The following ZNF331 variants were observed in gnomAD, a reference collection of about 807,000 sequenced individuals.
ZNF331 encodes the protein C2H2-like zinc finger protein rearranged in thyroid adenomas.
ZNF331 carries 2 observed loss-of-function variants against 7.0 expected under a neutral mutation model. The observed-to-expected ratio is 0.29, with a 90% CI of 0.12 to 0.90. ZNF331 has a LOEUF of 0.90. Among genes scored for constraint, ZNF331 ranks in the 40% least tolerant of loss-of-function variants. The probability of loss-of-function intolerance (pLI) is 0.58; values close to 1 mark genes in which losing one functional copy is unlikely to be tolerated. For synonymous variants in ZNF331, 196 were observed against 205.4 expected (o/e 0.95, Z 0.39); for missense variants, 432 against 587.7 (o/e 0.74, Z 2.74).
chr19:53,548,034 ATCC>A (rs770642890), intron 2 of ZNF331, among the ~76,000 whole-genome samples: 2 of 151,864 alleles, frequency 1.3e-5, no homozygotes, highest in Non-Finnish European at 2.9e-5. Context: ...GACCCAAGCA[ATCC>A]TCCTACCTCA....
chr19:53,508,806 T>C, the ZNF331 span, among the ~76,000 whole-genome samples: 1 of 152,184 alleles, frequency 6.6e-6, no homozygotes, highest in Non-Finnish European at 1.5e-5. Flanking sequence ...ACAAAAATCT[T>C]TATCCCTGTT....
At chr19:53,507,590 C>T in the ZNF331 span, among the ~76,000 whole-genome samples, 1 of 152,126 alleles carries the variant, frequency 6.6e-6, no homozygotes, top group African/African-American at 2.4e-5. Flanking sequence ...AATGCCTGGT[C>T]CAGGTTCACT....
intron 1 of ZNF331, chr19:53,538,530 G>C (rs75312203): frequency 0.072 from 11,064 of 152,668 alleles, 530 homozygotes; most frequent in Non-Finnish European, 0.11. Context: ...CGGTCGGGAC[G>C]GGTCTCCGTG....
At chr19:53,507,648 T>C in the ZNF331 span, among the ~76,000 whole-genome samples, 1 of 152,150 alleles carries the variant, frequency 6.6e-6, no homozygotes, top group African/African-American at 2.4e-5. Flanking sequence ...GCAGAGGCTG[T>C]TCGGGCTCAG....
At chr19:53,548,983 A>C (rs1467127811) in intron 2 of ZNF331, among the ~76,000 whole-genome samples, 1 of 151,706 alleles carries the variant, frequency 6.6e-6, no homozygotes, top group South Asian at 2.1e-4. Flanking sequence ...TCAGTAGCTG[A>C]GATTACAGGC....
chr19:53,507,053 A>G, the ZNF331 span, among the ~76,000 whole-genome samples: 2 of 152,102 alleles, frequency 1.3e-5, no homozygotes, highest in African/African-American at 4.8e-5. Flanking sequence ...ACAGAACCCA[A>G]AGAAATGCAG....
rs1311983714 is a variant in ZNF331, at chr19:53,571,572, T to C, written c.10-32T>C. 1 of 1,608,826 alleles carries C rather than the reference T, an allele frequency of 6.2e-7. No homozygotes were observed. Among genetic ancestry groups the C allele is most frequent in the Admixed American group, 1.7e-5 (1 of 59,162 alleles). ...TTCATCTGGAAGCTGTTTCCTTTCA[T>C]TTCATCATGCACGTGTGGGTTTCTG... On this transcript the variant is annotated intron_variant, in intron 4 of 5. Coordinates refer to ENST00000449416, the MANE Select transcript of ZNF331 (RefSeq NM_001079906.2). The surrounding 1 kb of genome is among the most constrained non-coding windows in gnomAD (Gnocchi z 4.7).
At chr19:53,546,140 G>GAAAAAACAAAAAAAAAAAAA (rs2088588388) in intron 2 of ZNF331, among the ~76,000 whole-genome samples, 1 of 113,484 alleles carries the variant, frequency 8.8e-6, no homozygotes, top group Non-Finnish European at 1.9e-5. Context: ...TCCTGAGGGG[G>GAAAAAACAAAAAAAAAAAAA]AAAAAAAAAA....
At chr19:53,536,079 C>G (rs905768762), upstream of ZNF331, among the ~76,000 whole-genome samples, 12 of 152,182 alleles carry the variant, frequency 7.9e-5, no homozygotes, top group African/African-American at 2.9e-4. Context: ...GCTGGGATTA[C>G]AGGTGTGAGC....
rs577113288 is a variant in ZNF331 at position 53,550,206 on chromosome 19, C to T, written c.-137-5639C>T. Among the ~76,000 whole-genome samples the T allele has an allele frequency of 9.9e-5, 15 of 152,222 alleles. No individual in the cohort carries two copies. The South Asian group carries it at 2.5e-3, about 25-fold the overall frequency. On this transcript the variant is annotated intron_variant, in intron 2 of 5. Coordinates refer to ENST00000449416, the MANE Select transcript of ZNF331 (RefSeq NM_001079906.2). ...TACTTGAGAAGAATGTACATGCTGC[C>T]GCTATTAGAGAGATGGTGCAGAATA...
At position 53,577,737 on chromosome 19, in the gene ZNF331, A is replaced by G; in HGVS notation, c.1177A>G (p.Ile393Val). Reference protein sequence around the residue: ...YKCKECGKAFIYGSSLVKHER... With the variant: ...YKCKECGKAFVYGSSLVKHER... ...ATGTAAGGAGTGTGGGAAGGCTTTCATTTATGGATCGAGCCTCGTGAAACA... is the reference window on the plus strand; with the variant it reads ...ATGTAAGGAGTGTGGGAAGGCTTTCGTTTATGGATCGAGCCTCGTGAAACA... The change falls in exon 6 of 6, where the codon ATT becomes GTT. Residue 393 changes from isoleucine (I) to valine (V), a missense_variant. Around this residue, in one of 3 missense-constraint regions of ZNF331, gnomAD observed 312 missense variants for 448.6 expected, o/e 0.70. Transcript: ENST00000449416. 3 of 1,613,986 alleles carry G rather than the reference A, an allele frequency of 1.9e-6. No individual in the cohort carries two copies. The highest frequency in any genetic ancestry group is 2.5e-6 in the Non-Finnish European group (3 of 1,179,836).
At chr19:53,524,034 A>C (rs535586361) in intron 2 of ZNF331, among the ~76,000 whole-genome samples, 11 of 152,148 alleles carry the variant, frequency 7.2e-5, no homozygotes, top group African/African-American at 2.7e-4. Context: ...TGTCCTTGTG[A>C]TAGTTTGCTC....
At chr19:53,569,437 C>T (rs1362490480) in intron 4 of ZNF331, 52 bp downstream of exon 4, 1 of 1,601,322 alleles carries the variant, frequency 6.2e-7, no homozygotes, top group Non-Finnish European at 8.6e-7. Flanking sequence ...GCGTTCTGTG[C>T]ATCTGCTTGT....
intron 2 of ZNF331, among the ~76,000 whole-genome samples, chr19:53,530,073 C>T (rs2147261769): frequency 6.6e-6 from 1 of 152,280 alleles, no homozygotes; most frequent in South Asian, 2.1e-4. Context: ...AGGGAGGCCT[C>T]AGGAGCTTTT....
At chr19:53,505,105 T>C in the ZNF331 span, among the ~76,000 whole-genome samples, 2 of 152,088 alleles carry the variant, frequency 1.3e-5, no homozygotes, top group Non-Finnish European at 2.9e-5. Context: ...CAGGCTGTCA[T>C]AAACTGTAAG....
chr19:53,507,801 C>G, the ZNF331 span, among the ~76,000 whole-genome samples: 1 of 152,140 alleles, frequency 6.6e-6, no homozygotes, highest in Non-Finnish European at 1.5e-5. Flanking sequence ...GAGTTCAAGA[C>G]CAGCCTGGCC....
intron 5 of ZNF331, among the ~76,000 whole-genome samples, chr19:53,575,750 C>T (rs1209898308): frequency 6.7e-6 from 1 of 148,442 alleles, no homozygotes; most frequent in Non-Finnish European, 1.5e-5. Flanking sequence ...GTGGCACAAT[C>T]TCGGCTCACC....
the ZNF331 span, chr19:53,503,815 C>A: frequency 2.9e-6 from 2 of 697,144 alleles, no homozygotes. Flanking sequence ...TGGTCAATAT[C>A]ATTGTTCTCA....
intron 2 of ZNF331, among the ~76,000 whole-genome samples, chr19:53,550,843 CTT>C (rs752603959): frequency 3.9e-5 from 5 of 129,542 alleles, no homozygotes; most frequent in African/African-American, 1.4e-4. Context: ...GGCCGTTAAT[CTT>C]TTTTTTTTTT....
Sources: allele counts gnomAD v4.1 joint callset (sites outside exome capture counted in the v4.1 genomes callset), GRCh38; gene constraint gnomAD v4.1.1; regional missense constraint gnomAD v4.1.1; non-coding constraint Gnocchi (gnomAD v3.1); transcripts MANE v1.5; gene names NCBI Gene and HGNC (gene_info 2026-07-23, HGNC 2026-07-21).